CDK14: variants seen among roughly 807,000 people sequenced by gnomAD.
CDK14 encodes cyclin-dependent kinase 14.
In CDK14, 34 loss-of-function variants were observed where a neutral mutation model predicts 60.7. That is an observed-to-expected ratio of 0.56 (90% CI 0.43 to 0.75). The LOEUF (loss-of-function observed/expected upper bound fraction) is 0.75. Among genes scored for constraint, CDK14 ranks in the 30% least tolerant of loss-of-function variants. CDK14 has a pLI of 0.00. For missense variants in CDK14, 482 were observed against 564.1 expected (o/e 0.85, Z 1.47); for synonymous variants, 197 against 203.7 (o/e 0.97, Z 0.28).
chr7:90,882,159 A>G (rs1448592480), intron 6 of CDK14, among the ~76,000 whole-genome samples: 2 of 152,054 alleles, frequency 1.3e-5, no homozygotes, highest in Non-Finnish European at 2.9e-5. Flanking sequence ...ATAAGGAATC[A>G]AGATCCATCA....
intron 4 of CDK14, among the ~76,000 whole-genome samples, chr7:90,751,912 A>T (rs944516759): frequency 9.2e-5 from 14 of 152,330 alleles, no homozygotes; most frequent in African/African-American, 3.4e-4. Flanking sequence ...TTAAGCCAAC[A>T]ACAATAAAAA....
intron 2 of CDK14, among the ~76,000 whole-genome samples, chr7:90,646,830 T>C (rs1016538566): frequency 6.6e-6 from 1 of 152,214 alleles, no homozygotes; most frequent in African/African-American, 2.4e-5. Context: ...AGGTTGTTTA[T>C]TGGGTTTTAT....
At chr7:90,919,375 C>G (rs1337161706) in intron 8 of CDK14, among the ~76,000 whole-genome samples, 1 of 152,080 alleles carries the variant, frequency 6.6e-6, no homozygotes, top group South Asian at 2.1e-4. Flanking sequence ...CTGATGTTTT[C>G]ATTGTAGTAG....
At chr7:90,819,472 A>G (rs1471809646) in intron 5 of CDK14, among the ~76,000 whole-genome samples, 3 of 151,240 alleles carry the variant, frequency 2.0e-5, no homozygotes, top group Non-Finnish European at 1.5e-5. Flanking sequence ...TGTGTTTTAC[A>G]TTTCCCTTTG....
chr7:90,703,689 G>A (rs1437036055), intron 2 of CDK14, among the ~76,000 whole-genome samples: 2 of 151,994 alleles, frequency 1.3e-5, no homozygotes, highest in Non-Finnish European at 2.9e-5. Flanking sequence ...TGAACTAATG[G>A]GGAAGCAACA....
At chr7:90,650,910 T>A (rs971031042) in intron 2 of CDK14, among the ~76,000 whole-genome samples, 2 of 152,214 alleles carry the variant, frequency 1.3e-5, no homozygotes, top group Non-Finnish European at 2.9e-5. Context: ...AGCTTTGTTC[T>A]TTTGGCTTAG....
chr7:90,596,512 C>G lies in CDK14; in HGVS notation c.-116C>G, dbSNP rs572013371. The G allele has an allele frequency of 4.7e-5, 37 of 795,172 alleles. No individual in the cohort carries two copies. The highest frequency in any genetic ancestry group is 6.8e-5 in the Non-Finnish European group (33 of 483,060). 49.3% of individuals were successfully genotyped at this position (795,172 alleles called of 1,614,324 possible). On this transcript the variant is annotated 5_prime_UTR_variant, in exon 1 of 15. Coordinates refer to ENST00000380050, the MANE Select transcript of CDK14 (RefSeq NM_001287135.2). ...TAGACCTGCGCGTCGCTTCCCGGCC[C>G]GCCGAGGAGGTGGTGGAGGAGGAGG...
intron 14 of CDK14, among the ~76,000 whole-genome samples, chr7:91,123,275 G>T (rs1338460139): frequency 6.6e-6 from 1 of 152,062 alleles, no homozygotes; most frequent in Non-Finnish European, 1.5e-5. Context: ...GAAGATTTCT[G>T]GGGTTTTTCC....
At position 90,812,103 on chromosome 7, in the gene CDK14, C is replaced by A. The variant is rs563409217; in HGVS notation, c.544+21451C>A. Reference sequence around the variant, plus strand: ...AACTAGAAATACCATTTGACCCAGCCATCCCATTACTGGGTATATACCCAA... The same window carrying A: ...AACTAGAAATACCATTTGACCCAGCAATCCCATTACTGGGTATATACCCAA... On this transcript the variant is annotated intron_variant, in intron 5 of 14. Coordinates refer to ENST00000380050, the MANE Select transcript of CDK14 (RefSeq NM_001287135.2). Among the ~76,000 whole-genome samples, 6 of 152,276 alleles carry A rather than the reference C, an allele frequency of 3.9e-5. No individual in the cohort carries two copies. In the East Asian group the frequency reaches 9.7e-4, roughly 25 times the overall value.
At chr7:90,758,954 G>A (rs938230685) in intron 4 of CDK14, among the ~76,000 whole-genome samples, 22 of 151,808 alleles carry the variant, frequency 1.4e-4, no homozygotes, top group African/African-American at 5.3e-4. Context: ...TACTCGGAAG[G>A]CTGAGGCACG....
chr7:90,745,058 A>G (rs1289280132), intron 3 of CDK14, among the ~76,000 whole-genome samples: 7 of 151,826 alleles, frequency 4.6e-5, no homozygotes, highest in Non-Finnish European at 1.0e-4. Flanking sequence ...TACCTTATTT[A>G]TATCAATTTA....
At chr7:90,757,365 TC>T (rs1169449671) in intron 4 of CDK14, among the ~76,000 whole-genome samples, 1 of 107,566 alleles carries the variant, frequency 9.3e-6, no homozygotes, top group African/African-American at 3.3e-5. Flanking sequence ...ATGACTCATT[TC>T]AAAAAAAAAT....
intron 11 of CDK14, among the ~76,000 whole-genome samples, chr7:91,054,950 TTA>T (rs1183074227): frequency 6.6e-6 from 1 of 152,078 alleles, no homozygotes; most frequent in Non-Finnish European, 1.5e-5. Context: ...AATCAATGCT[TTA>T]TGTTTTCAGA....
At chr7:91,005,204 G>T (rs989743008) in intron 10 of CDK14, among the ~76,000 whole-genome samples, 1 of 152,204 alleles carries the variant, frequency 6.6e-6, no homozygotes, top group African/African-American at 2.4e-5. Flanking sequence ...CCCCTCCTGG[G>T]TTCTAGCAGG....
intron 5 of CDK14, among the ~76,000 whole-genome samples, chr7:90,821,838 C>T (rs970548486): frequency 6.6e-6 from 1 of 152,178 alleles, no homozygotes; most frequent in Non-Finnish European, 1.5e-5. Context: ...CAGTGTCTCC[C>T]TCCAGTCCAT....
chr7:91,165,635 G>A (rs552373264), intron 14 of CDK14, among the ~76,000 whole-genome samples: 2 of 152,208 alleles, frequency 1.3e-5, no homozygotes, highest in Non-Finnish European at 2.9e-5. Context: ...CCAAGAAAGT[G>A]GACATCCCAG....
chr7:91,077,604 A>T (rs1341233995), intron 11 of CDK14, among the ~76,000 whole-genome samples: 1 of 152,110 alleles, frequency 6.6e-6, no homozygotes, highest in East Asian at 1.9e-4. Context: ...GCACAAGTAT[A>T]CCTACATAAC....
chr7:90,785,075 T>G (rs930600427), intron 4 of CDK14, among the ~76,000 whole-genome samples: 7 of 152,234 alleles, frequency 4.6e-5, no homozygotes, highest in Non-Finnish European at 7.3e-5. Context: ...GAAACGAGCA[T>G]TGTATATGTC....
intron 3 of CDK14, among the ~76,000 whole-genome samples, chr7:90,734,967 T>C (rs1044162347): frequency 6.6e-6 from 1 of 152,202 alleles, no homozygotes; most frequent in African/African-American, 2.4e-5. Flanking sequence ...CTTTGGTCTT[T>C]GATGTTGGTG....
Sources: allele counts gnomAD v4.1 joint callset (sites outside exome capture counted in the v4.1 genomes callset), GRCh38; gene constraint gnomAD v4.1.1; transcripts MANE v1.5; gene names NCBI Gene and HGNC (gene_info 2026-07-23, HGNC 2026-07-21).